MSRA: variants seen among roughly 807,000 people sequenced by gnomAD.
MSRA encodes the protein mitochondrial peptide methionine sulfoxide reductase.
In MSRA, 54 loss-of-function variants were observed where a neutral mutation model predicts 31.3. The ratio of observed to expected loss-of-function variants is 1.73; its 90% CI spans 1.39 to 2.17. The LOEUF is 2.17. Ranked by LOEUF, MSRA falls within the 30% of genes most tolerant of loss-of-function variation. The pLI, the probability that MSRA is intolerant of heterozygous loss-of-function variation, is 0.00. For missense variants in MSRA, 507 were observed against 300.9 expected (o/e 1.69, Z -5.07); for synonymous variants, 169 against 116.5 (o/e 1.45, Z -2.90).
At chr8:10,222,684 A>C (rs1308227378) in intron 2 of MSRA, among the ~76,000 whole-genome samples, 1 of 152,228 alleles carries the variant, frequency 6.6e-6, no homozygotes, top group Non-Finnish European at 1.5e-5. Context: ...TGTCGTTGGC[A>C]ACAGTATTGA....
At chr8:10,144,254 G>T (rs533218803) in intron 1 of MSRA, among the ~76,000 whole-genome samples, 2 of 152,180 alleles carry the variant, frequency 1.3e-5, no homozygotes, top group Non-Finnish European at 2.9e-5. Context: ...GTTTAGGAGC[G>T]AGAACTGTTA....
At chr8:10,274,685 C>A (rs1413358039) in intron 3 of MSRA, among the ~76,000 whole-genome samples, 1 of 152,164 alleles carries the variant, frequency 6.6e-6, no homozygotes, top group Non-Finnish European at 1.5e-5. Context: ...ACCCATCCAT[C>A]CATGTATCTA....
chr8:10,297,052 G>A (rs1049525599), intron 3 of MSRA, among the ~76,000 whole-genome samples: 2 of 152,176 alleles, frequency 1.3e-5, no homozygotes, highest in African/African-American at 4.8e-5. Flanking sequence ...AAGCTGTGCT[G>A]GAGGACTGTA....
At chr8:10,342,615 G>A (rs893033619) in intron 5 of MSRA, among the ~76,000 whole-genome samples, 2 of 152,200 alleles carry the variant, frequency 1.3e-5, no homozygotes, top group African/African-American at 4.8e-5. Flanking sequence ...TGAGGCCGTT[G>A]TATCACTGAG....
At chr8:10,067,132 C>A (rs1299784535) in intron 1 of MSRA, among the ~76,000 whole-genome samples, 1 of 152,116 alleles carries the variant, frequency 6.6e-6, no homozygotes, top group Non-Finnish European at 1.5e-5. Flanking sequence ...AACAGAATGC[C>A]TTCACTGCCT....
intron 5 of MSRA, among the ~76,000 whole-genome samples, chr8:10,427,715 A>T (rs754707906): frequency 1.3e-5 from 2 of 152,050 alleles, no homozygotes; most frequent in African/African-American, 2.4e-5. Context: ...CACCCGTTTC[A>T]TTCCCTCCCA....
intron 5 of MSRA, among the ~76,000 whole-genome samples, chr8:10,338,778 G>A (rs1441306563): frequency 2.0e-5 from 3 of 152,210 alleles, no homozygotes; most frequent in Non-Finnish European, 4.4e-5. Context: ...TGGTGCTTTG[G>A]TGATTCATAC....
intron 3 of MSRA, chr8:10,250,430 G>A (rs1797855436): frequency 1.4e-6 from 1 of 702,260 alleles, no homozygotes; most frequent in Non-Finnish European, 2.6e-6. Flanking sequence ...CAGATGTTCA[G>A]AACAATTCCA....
intron 1 of MSRA, among the ~76,000 whole-genome samples, chr8:10,076,320 G>A (rs1050304603): frequency 9.2e-5 from 14 of 152,134 alleles, no homozygotes; most frequent in African/African-American, 2.9e-4. Flanking sequence ...TGATGGCTAC[G>A]TGACATCACC....
At chr8:10,298,932 G>C (rs1800690330) in intron 3 of MSRA, among the ~76,000 whole-genome samples, 1 of 152,126 alleles carries the variant, frequency 6.6e-6, no homozygotes, top group Non-Finnish European at 1.5e-5. Context: ...ACTTAATCAA[G>C]GTAAATGAGC....
At chr8:10,093,095 G>T (rs925184459) in intron 1 of MSRA, among the ~76,000 whole-genome samples, 1 of 152,062 alleles carries the variant, frequency 6.6e-6, no homozygotes, top group Non-Finnish European at 1.5e-5. Context: ...TGTGTCTTTT[G>T]TAGACAGCAT....
chr8:10,135,385 A>G (rs570880349), intron 1 of MSRA, among the ~76,000 whole-genome samples: 1 of 152,356 alleles, frequency 6.6e-6, no homozygotes, highest in South Asian at 2.1e-4. Context: ...GTTCCATTCT[A>G]CCTAAAATGC....
intron 5 of MSRA, among the ~76,000 whole-genome samples, chr8:10,347,055 A>G (rs180799790): frequency 6.9e-4 from 105 of 152,070 alleles, no homozygotes; most frequent in South Asian, 1.2e-3. Context: ...GCCCCCTCCA[A>G]TGTGTTTTCA....
chr8:10,083,683 GT>G (rs551075840), intron 1 of MSRA, among the ~76,000 whole-genome samples: 59 of 151,278 alleles, frequency 3.9e-4, no homozygotes, highest in South Asian at 1.7e-3. Context: ...ATTCAAAGAG[GT>G]TTTTTTTTCC....
At chr8:10,421,102 A>G (rs532044295) in intron 5 of MSRA, among the ~76,000 whole-genome samples, 29 of 152,232 alleles carry the variant, frequency 1.9e-4, no homozygotes, top group Admixed American at 1.4e-3. Flanking sequence ...TGACTCACAT[A>G]CAGGCTGATC....
intron 2 of MSRA, among the ~76,000 whole-genome samples, chr8:10,213,858 T>C (rs1809743195): frequency 6.6e-6 from 1 of 152,170 alleles, no homozygotes; most frequent in African/African-American, 2.4e-5. Context: ...GTGGGATTGC[T>C]GGATCTGAAG....
rs10682921 is a variant in MSRA at position 10,300,124 on chromosome 8, TTGTGTG to T, written c.332-1389_332-1384del. On this transcript the variant is annotated intron_variant, in intron 3 of 5. Coordinates refer to ENST00000317173, the MANE Select transcript of MSRA (RefSeq NM_012331.5). ...CTGTAATGAATGCAGTGGAAGAAAT[TTGTGTG>T]TGTGTGTGTGTGTGTGTGTGCACGC... is the stretch of plus-strand genomic sequence containing the variant. 8.0e-4 allele frequency among the ~76,000 whole-genome samples: 120 copies of T among 149,656 alleles called. No homozygotes were observed. In the East Asian group the frequency reaches 0.021, roughly 26 times the overall value.
chr8:10,339,531 CTTTTTTTTTTTTT>C (rs774034241), intron 5 of MSRA, among the ~76,000 whole-genome samples: 4 of 72,812 alleles, frequency 5.5e-5, no homozygotes, highest in Non-Finnish European at 7.3e-5. Flanking sequence ...TTCTTTCTTT[CTTTTTTTTTTTTT>C]TTTTTTTTTT....
chr8:10,243,668 A>T (rs894274032), intron 2 of MSRA, among the ~76,000 whole-genome samples: 6 of 152,122 alleles, frequency 3.9e-5, no homozygotes, highest in Non-Finnish European at 7.4e-5. Context: ...AATATTCCTA[A>T]ATTGTCACCA....
Sources: gnomAD v4.1 joint callset for allele counts (sites outside exome capture counted in the v4.1 genomes callset) on GRCh38, gnomAD v4.1.1 for gene constraint, MANE v1.5 for transcripts, NCBI Gene and HGNC (gene_info 2026-07-23, HGNC 2026-07-21) for gene names.